The following PXDN variants were observed in gnomAD, a reference collection of about 807,000 sequenced individuals.
PXDN encodes peroxidasin homolog.
Under a neutral mutation model 140.3 loss-of-function variants are expected in PXDN, and 77 were observed. The ratio of observed to expected loss-of-function variants is 0.55; its 90% confidence interval spans 0.46 to 0.66. PXDN has a LOEUF of 0.66. Among genes scored for constraint, PXDN ranks in the 30% least tolerant of loss-of-function variants. PXDN has a pLI of 0.00. For missense variants in PXDN, 1,838 were observed against 2,039.5 expected, an observed-to-expected ratio of 0.90 and a Z score of 1.90; for synonymous variants, 911 against 857.4, an observed-to-expected ratio of 1.06 and a Z score of -1.09.
intron 1 of PXDN, among the ~76,000 whole-genome samples, chr2:1,700,115 G>A (rs1420516250): frequency 3.9e-5 from 6 of 152,108 alleles, no homozygotes; most frequent in Non-Finnish European, 7.4e-5. Context: ...AGGCTGGAGT[G>A]GAGTGGCGCG....
In PXDN at chr2:1,632,018, A is replaced by T. The variant is rs1010177059; in HGVS notation, c.*2186T>A. 6.5e-6 allele frequency: 1 copy of T among 152,676 alleles called. No individual in the cohort carries two copies. Among genetic ancestry groups the T allele is most frequent in the African/African-American group, 2.4e-5 (1 of 41,466 alleles). The allele number at this position is 152,676 out of a possible 1,614,324, so 9.5% of individuals were successfully genotyped here. On this transcript the variant is annotated 3_prime_UTR_variant, in exon 23 of 23. Transcript: ENST00000252804. The surrounding 1 kb of genome is among the most constrained non-coding windows in gnomAD (Gnocchi z 4.3). ...GGCTGTTGGAGCAGTTAGAAAAGTA[A>T]ATAAATATGTACATTCCACTCCTGT...
chr2:1,648,497 G>A lies in PXDN; in HGVS notation c.3283C>T (p.His1095Tyr). The change falls in exon 17 of 23, where the codon CAC (histidine) becomes TAC (tyrosine). Residue 1095 changes from histidine to tyrosine, a missense_variant. His to Tyr is a moderately conservative substitution (Grantham distance 83). Transcript: ENST00000252804. This position sits in a 1 kb window ranked among gnomAD's most constrained non-coding sequence, Gnocchi z 8.9. ...DENFQPIAQD[H>Y]LPLHKAFFSP... is the part of the protein sequence containing the mutation. ...AAGAAAGCTTTGTGAAGGGGGAGGT[G>A]ATCTTGTGCAATGGGCTGGAAGTTC... The A allele has an allele frequency of 1.9e-6, 3 of 1,612,314 alleles. No individual in the cohort carries two copies. The highest frequency in any genetic ancestry group is 2.2e-5 in the East Asian group (1 of 44,884).
intron 1 of PXDN, among the ~76,000 whole-genome samples, chr2:1,707,780 G>A (rs1180403730): frequency 6.6e-6 from 1 of 151,914 alleles, no homozygotes; most frequent in Non-Finnish European, 1.5e-5. Flanking sequence ...CCAAGGTGCC[G>A]AAAGCGACGA....
At chr2:1,659,473 A>G (rs995837808) in intron 14 of PXDN, among the ~76,000 whole-genome samples, 1 of 152,174 alleles carries the variant, frequency 6.6e-6, no homozygotes, top group Non-Finnish European at 1.5e-5. Flanking sequence ...TTGAATTTGT[A>G]TTTCTATAAG....
At chr2:1,713,977 G>A (rs1047617333) in intron 1 of PXDN, among the ~76,000 whole-genome samples, 2 of 152,244 alleles carry the variant, frequency 1.3e-5, no homozygotes, top group African/African-American at 4.8e-5. Context: ...GGCCAGGCAC[G>A]TGGGTCTCAA....
intron 21 of PXDN, 199 bp from the exon 22 acceptor site, chr2:1,635,720 C>T: frequency 1.7e-6 from 1 of 585,684 alleles, no homozygotes; most frequent in East Asian, 3.1e-5. Flanking sequence ...CAATGGAAGA[C>T]ATTCCCACCA....
At chr2:1,637,451 A>G (rs868716944) in intron 21 of PXDN, among the ~76,000 whole-genome samples, 15 of 149,654 alleles carry the variant, frequency 1.0e-4, no homozygotes, top group African/African-American at 3.2e-4. Flanking sequence ...TAGGCTGCAG[A>G]AGGAGGAAGA....
At chr2:1,700,371 A>AT (rs1279562060) in intron 1 of PXDN, among the ~76,000 whole-genome samples, 234 of 150,290 alleles carry the variant, frequency 1.6e-3, no homozygotes, top group African/African-American at 5.0e-3. Flanking sequence ...CATTGTCTGG[A>AT]TTTTTTTTTT....
At chr2:1,664,849 G>T in intron 11 of PXDN, 109 bp downstream of exon 11, 2 of 964,026 alleles carry the variant, frequency 2.1e-6, no homozygotes, top group Non-Finnish European at 3.1e-6. Context: ...TCCAGTCCCA[G>T]CTCAGCCCTG....
chr2:1,679,821 GGTGT>G (rs147156720), intron 7 of PXDN, among the ~76,000 whole-genome samples: 2 of 132,836 alleles, frequency 1.5e-5, no homozygotes, highest in East Asian at 2.6e-4. Flanking sequence ...GTGTGTAAAT[GGTGT>G]GTGTGTGGAT....
chr2:1,644,780 T>C, intron 17 of PXDN, 28 bp from the exon 18 acceptor site: 1 of 1,461,872 alleles, frequency 6.8e-7, no homozygotes, highest in Non-Finnish European at 9.1e-7. Flanking sequence ...AACTGAAATC[T>C]ACCTAACAAA....
At chr2:1,635,570 G>C (rs1474339846) in intron 21 of PXDN, 49 bp from the exon 22 acceptor site, 1 of 1,320,682 alleles carries the variant, frequency 7.6e-7, no homozygotes, top group Non-Finnish European at 1.1e-6. Context: ...CAGAGTAACA[G>C]CTTGGCTCTT....
At chr2:1,683,618 C>T (rs1355561286) in intron 6 of PXDN, 38 bp downstream of exon 6, 3 of 1,288,912 alleles carry the variant, frequency 2.3e-6, no homozygotes, top group Non-Finnish European at 3.1e-6. Context: ...AGAAAGAAGG[C>T]TTTGCAGCAA....
intron 1 of PXDN, among the ~76,000 whole-genome samples, chr2:1,732,986 T>C (rs187876709): frequency 6.6e-6 from 1 of 152,232 alleles, no homozygotes; most frequent in African/African-American, 2.4e-5. Context: ...AAATCAGACA[T>C]TGAGAAAGAA....
At chr2:1,720,139 A>G (rs150275355) in intron 1 of PXDN, among the ~76,000 whole-genome samples, 3 of 22,204 alleles carry the variant, frequency 1.4e-4, no homozygotes, top group African/African-American at 2.2e-4. Context: ...GGGAGGGAAG[A>G]ATGCAGAGAG....
chr2:1,659,285 A>G (rs1683249290), intron 14 of PXDN, among the ~76,000 whole-genome samples: 1 of 152,206 alleles, frequency 6.6e-6, no homozygotes, highest in Admixed American at 6.5e-5. Flanking sequence ...TACATGGACA[A>G]CTCAAATGGC....
intron 14 of PXDN, among the ~76,000 whole-genome samples, chr2:1,658,934 G>T (rs1400342859): frequency 6.6e-6 from 1 of 152,144 alleles, no homozygotes; most frequent in Admixed American, 6.5e-5. Context: ...GGTTCCTCAC[G>T]GACTCCTCAC....
At chr2:1,693,567 CAACGACCT>C (rs1402352381) in intron 1 of PXDN, among the ~76,000 whole-genome samples, 1 of 152,180 alleles carries the variant, frequency 6.6e-6, no homozygotes. Flanking sequence ...CTTCCTTAGT[CAACGACCT>C]AAACTGCTAC....
In PXDN at chr2:1,685,409, G is replaced by T. The variant is rs763849919; in HGVS notation, c.417-1258C>A. 6.6e-6 allele frequency among the ~76,000 whole-genome samples: 1 copy of T among 152,194 alleles called. No homozygotes were observed. Among genetic ancestry groups the T allele is most frequent in the Non-Finnish European group, 1.5e-5 (1 of 68,034 alleles). On this transcript the variant is annotated intron_variant, in intron 4 of 22. Coordinates refer to ENST00000252804, the MANE Select transcript of PXDN (RefSeq NM_012293.3). The surrounding 1 kb of genome is among the most constrained non-coding windows in gnomAD (Gnocchi z 5.1). Reference sequence around the variant, plus strand: ...AACCCGACAGAATCCCTGGAGCCTCGTCTCTGCCAGGCAGTGTGCTGACAG... The same window carrying T: ...AACCCGACAGAATCCCTGGAGCCTCTTCTCTGCCAGGCAGTGTGCTGACAG...
Sources: gnomAD v4.1 joint callset for allele counts (sites outside exome capture counted in the v4.1 genomes callset) on GRCh38, gnomAD v4.1.1 for gene constraint, Gnocchi (gnomAD v3.1) non-coding constraint, MANE v1.5 for transcripts, NCBI Gene and HGNC (gene_info 2026-07-23, HGNC 2026-07-21) for gene names.